Variants in CCDC85A observed in about 807,000 individuals in gnomAD.
CCDC85A encodes the protein coiled-coil domain containing 85A.
CCDC85A carries 38 observed loss-of-function variants against 50.2 expected under a neutral mutation model. The observed-to-expected ratio is 0.76, with a 90% CI of 0.58 to 0.99. The LOEUF (loss-of-function observed/expected upper bound fraction) is 0.99. Ranked by LOEUF, CCDC85A falls within the 50% of genes least tolerant of loss-of-function variation. The pLI, the probability that CCDC85A is intolerant of heterozygous loss-of-function variation, is 0.00. For missense variants in CCDC85A, 820 were observed against 742.0 expected, an observed-to-expected ratio of 1.11 and a Z score of -1.22; for synonymous variants, 366 against 301.4, an observed-to-expected ratio of 1.21 and a Z score of -2.22.
rs1181613694 is a variant in CCDC85A at position 56,385,202 on chromosome 2, A to T, written c.*847A>T. ...TTTTCTAAGTGTTTCGAGCTGTGAG[A>T]TGTCAATTTCTACAATTTAGTTTCT... On this transcript the variant is annotated 3_prime_UTR_variant, in exon 6 of 6. Transcript: ENST00000407595. 6.6e-6 allele frequency: 1 copy of T among 152,278 alleles called. No homozygotes were observed. Among genetic ancestry groups the T allele is most frequent in the East Asian group, 1.9e-4 (1 of 5,164 alleles). 9.4% of individuals were successfully genotyped at this position (152,278 alleles called of 1,614,324 possible). A position where few individuals can be genotyped will look rare whatever the true frequency, so the allele number is the denominator to read the frequency against.
At chr2:56,351,652 T>A in intron 3 of CCDC85A, among the ~76,000 whole-genome samples, 1 of 145,872 alleles carries the variant, frequency 6.9e-6, no homozygotes, top group African/African-American at 2.6e-5. Flanking sequence ...AATGTCTTCT[T>A]TTGAGAAGTG....
intron 5 of CCDC85A, among the ~76,000 whole-genome samples, chr2:56,380,629 A>AAAT (rs1676540955): frequency 1.3e-5 from 2 of 151,560 alleles, no homozygotes; most frequent in African/African-American, 4.9e-5. Context: ...CCACAGTAAA[A>AAAT]AAATAAATAA....
intron 3 of CCDC85A, among the ~76,000 whole-genome samples, chr2:56,344,794 G>C (rs1190987339): frequency 1.3e-5 from 2 of 151,976 alleles, no homozygotes; most frequent in East Asian, 3.9e-4. Flanking sequence ...ATACATGGTT[G>C]TGCCATCTCT....
intron 3 of CCDC85A, among the ~76,000 whole-genome samples, chr2:56,366,124 A>G (rs1037909971): frequency 6.6e-6 from 1 of 152,154 alleles, no homozygotes; most frequent in African/African-American, 2.4e-5. Context: ...ATTCTGTTGT[A>G]TATATAGATA....
chr2:56,295,466 G>T (rs1264381729), intron 2 of CCDC85A, among the ~76,000 whole-genome samples: 5 of 152,176 alleles, frequency 3.3e-5, no homozygotes, highest in Admixed American at 6.5e-5. Flanking sequence ...TTACACTGTT[G>T]TGATGTAGCA....
chr2:56,260,492 A>C (rs912639161), intron 2 of CCDC85A, among the ~76,000 whole-genome samples: 1 of 152,214 alleles, frequency 6.6e-6, no homozygotes, highest in Admixed American at 6.5e-5. Context: ...AAACATGATA[A>C]ATTTGTCCAA....
chr2:56,335,760 C>A (rs951858762), intron 2 of CCDC85A, among the ~76,000 whole-genome samples: 1 of 152,010 alleles, frequency 6.6e-6, no homozygotes, highest in African/African-American at 2.4e-5. Context: ...TGCCACCACG[C>A]CAGGCTAATT....
At position 56,185,028 on chromosome 2, in the gene CCDC85A, C is replaced by G. The variant is rs1675945789; in HGVS notation, c.276+128C>G. 4.3e-6 allele frequency: 5 copies of G among 1,174,648 alleles called. No individual in the cohort carries two copies. In the South Asian group the frequency reaches 5.0e-5, roughly 12 times the overall value. The allele number at this position is 1,174,648 out of a possible 1,614,324, so 72.8% of individuals were successfully genotyped here. A position where few individuals can be genotyped will look rare whatever the true frequency, so the allele number is the denominator to read the frequency against. The stretch of plus-strand genomic sequence containing the variant: ...CCCTCCCCTTCTCCCGGTCGGCACC[C>G]CCTACCCCCAGTCCCCAGCCCCTGT... On this transcript the variant is annotated intron_variant, in intron 1 of 5. Coordinates refer to ENST00000407595, the MANE Select transcript of CCDC85A (RefSeq NM_001080433.2).
intron 2 of CCDC85A, among the ~76,000 whole-genome samples, chr2:56,243,275 G>T (rs1669346614): frequency 6.6e-6 from 1 of 151,956 alleles, no homozygotes; most frequent in African/African-American, 2.4e-5. Flanking sequence ...TCTTAGGTTT[G>T]CCCTTTTGAA....
chr2:56,357,655 C>CTTTTTTTTTTTTTTTTTTTTTCTTTTT (rs67738219), intron 3 of CCDC85A, among the ~76,000 whole-genome samples: 1 of 114,640 alleles, frequency 8.7e-6, no homozygotes. Context: ...TGTCCATTTC[C>CTTTTTTTTTTTTTTTTTTTTTCTTTTT]TTTTTTTTTT....
chr2:56,279,884 G>T (rs1234506722), intron 2 of CCDC85A, among the ~76,000 whole-genome samples: 1 of 152,176 alleles, frequency 6.6e-6, no homozygotes, highest in Non-Finnish European at 1.5e-5. Context: ...TGTGAAAAGT[G>T]CTGGAATAAA....
At chr2:56,333,338 G>C (rs751649475) in intron 2 of CCDC85A, among the ~76,000 whole-genome samples, 20 of 152,148 alleles carry the variant, frequency 1.3e-4, no homozygotes, top group Non-Finnish European at 2.8e-4. Flanking sequence ...ATTCCAGGAA[G>C]AGGGTACAAC....
intron 2 of CCDC85A, among the ~76,000 whole-genome samples, chr2:56,208,693 C>G (rs1474754831): frequency 6.6e-6 from 1 of 152,038 alleles, no homozygotes; most frequent in Non-Finnish European, 1.5e-5. Flanking sequence ...GTTTTTCAAG[C>G]TTTCCCTTCC....
chr2:56,216,944 C>A (rs1360000725), intron 2 of CCDC85A, among the ~76,000 whole-genome samples: 2 of 151,814 alleles, frequency 1.3e-5, no homozygotes, highest in Non-Finnish European at 2.9e-5. Flanking sequence ...TTCAAGGCAA[C>A]CAAATCGTTG....
chr2:56,285,652 C>T (rs1671411303), intron 2 of CCDC85A, among the ~76,000 whole-genome samples: 2 of 148,816 alleles, frequency 1.3e-5, no homozygotes, highest in African/African-American at 4.9e-5. Context: ...CATTTTACTC[C>T]CCTGGCTTTT....
chr2:56,344,949 A>G (rs1294319274), intron 3 of CCDC85A, among the ~76,000 whole-genome samples: 3 of 152,118 alleles, frequency 2.0e-5, no homozygotes, highest in African/African-American at 7.2e-5. Context: ...AAGAGGCACA[A>G]CAAATGTGAA....
rs1019314949 is a variant in CCDC85A at position 56,373,313 on chromosome 2, C to T, written c.1452+835C>T. Among the ~76,000 whole-genome samples the T allele has an allele frequency of 3.3e-5, 5 of 151,942 alleles. No homozygotes were observed. In the East Asian group the frequency reaches 9.7e-4, roughly 29 times the overall value. On this transcript the variant is annotated intron_variant, in intron 4 of 5. Transcript: ENST00000407595. Reference sequence around the variant, plus strand: ...CATCCCTAAATGATGAATTTCCCCCCACTGTATACTCCAGGCAAAATACTA... The same window carrying T: ...CATCCCTAAATGATGAATTTCCCCCTACTGTATACTCCAGGCAAAATACTA...
intron 2 of CCDC85A, among the ~76,000 whole-genome samples, chr2:56,279,828 A>G (rs1671124618): frequency 2.0e-5 from 3 of 152,184 alleles, no homozygotes; most frequent in Admixed American, 1.3e-4. Context: ...TGTTTTCTTT[A>G]TTCATTCACT....
intron 2 of CCDC85A, among the ~76,000 whole-genome samples, chr2:56,206,828 T>C (rs1412357051): frequency 6.6e-6 from 1 of 152,208 alleles, no homozygotes; most frequent in Admixed American, 6.5e-5. Context: ...TACCGTGATT[T>C]AATCCCTTTT....
Sources: gnomAD v4.1 joint callset for allele counts (sites outside exome capture counted in the v4.1 genomes callset) on GRCh38, gnomAD v4.1.1 for gene constraint, MANE v1.5 for transcripts, NCBI Gene and HGNC (gene_info 2026-07-23, HGNC 2026-07-21) for gene names.